Variants in AIM2 observed in about 807,000 individuals in gnomAD.
AIM2 encodes interferon-inducible protein AIM2.
AIM2 carries 30 observed loss-of-function variants against 27.7 expected under a neutral mutation model. The observed-to-expected ratio is 1.08, with a 90% CI of 0.81 to 1.47. AIM2 has a LOEUF of 1.47. AIM2 is among the 40% of genes most tolerant of loss of function. The probability of loss-of-function intolerance (pLI) is 0.00; values close to 1 mark genes in which losing one functional copy is unlikely to be tolerated. For missense variants in AIM2, 358 were observed against 411.3 expected, an observed-to-expected ratio of 0.87 and a Z score of 1.12; for synonymous variants, 141 against 145.3, an observed-to-expected ratio of 0.97 and a Z score of 0.21.
chr1:159,057,792 CAT>C (rs1321628243), downstream of AIM2, among the ~76,000 whole-genome samples: 2 of 152,180 alleles, frequency 1.3e-5, no homozygotes, highest in Admixed American at 1.3e-4. Context: ...AACAAAAAAA[CAT>C]AAATCATGAT....
At chr1:159,139,913 C>T (rs1052899226) in intron 1 of AIM2, among the ~76,000 whole-genome samples, 1 of 152,152 alleles carries the variant, frequency 6.6e-6, no homozygotes, top group Admixed American at 6.5e-5. Context: ...ATATCCTTAC[C>T]TTCTCGGAAT....
chr1:159,124,038 G>A (rs1647612570), intron 1 of AIM2, among the ~76,000 whole-genome samples: 1 of 152,074 alleles, frequency 6.6e-6, no homozygotes, highest in Non-Finnish European at 1.5e-5. Flanking sequence ...TTCCGTATCT[G>A]TCTCTTTCTC....
intron 3 of AIM2, 70 bp downstream of exon 3, chr1:159,068,498 C>A: frequency 6.6e-7 from 1 of 1,517,434 alleles, no homozygotes; most frequent in Non-Finnish European, 8.8e-7. Context: ...GAACAGAGAA[C>A]AATATGGGAA....
chr1:159,079,505 C>A (rs1656722986), upstream of AIM2, among the ~76,000 whole-genome samples: 1 of 152,056 alleles, frequency 6.6e-6, no homozygotes, highest in African/African-American at 2.4e-5. Context: ...AAAGAACACA[C>A]ACAAAAGCAT....
At chr1:159,111,784 C>T (rs1657576719) in intron 1 of AIM2, among the ~76,000 whole-genome samples, 1 of 145,484 alleles carries the variant, frequency 6.9e-6, no homozygotes, top group South Asian at 2.1e-4. Context: ...CATGTTGAAA[C>T]CCGTCTCTAC....
chr1:159,075,005 G>A (rs1437342849), intron 1 of AIM2, among the ~76,000 whole-genome samples: 1 of 152,080 alleles, frequency 6.6e-6, no homozygotes, highest in African/African-American at 2.4e-5. Context: ...TGCAAAACAA[G>A]TTGAATATGT....
chr1:159,100,242 T>C (rs1557904314), intron 1 of AIM2, among the ~76,000 whole-genome samples: 1 of 152,196 alleles, frequency 6.6e-6, no homozygotes, highest in Non-Finnish European at 1.5e-5. Context: ...AAACACTTTC[T>C]CCTATATGAC....
At position 159,062,654 on chromosome 1, in the gene AIM2, C is replaced by T; in HGVS notation, c.*38G>A. 1 of 1,603,622 alleles carries T rather than the reference C, an allele frequency of 6.2e-7. No individual in the cohort carries two copies. The highest frequency in any genetic ancestry group is 8.5e-7 in the Non-Finnish European group (1 of 1,171,300). On this transcript the variant is annotated 3_prime_UTR_variant, in exon 6 of 6. Transcript: ENST00000368130. ...TCACATATTCTTCAATTAAATGCTG[C>T]TTAGACCAGTTGGCTTGAATTGGTC...
chr1:159,111,583 G>T (rs113459264), intron 1 of AIM2, among the ~76,000 whole-genome samples: 1 of 151,918 alleles, frequency 6.6e-6, no homozygotes, highest in South Asian at 2.1e-4. Flanking sequence ...TTTATGACAG[G>T]ATTTATGAAA....
chr1:159,100,922 T>C (rs1258546011), intron 1 of AIM2, among the ~76,000 whole-genome samples: 1 of 152,238 alleles, frequency 6.6e-6, no homozygotes, highest in Non-Finnish European at 1.5e-5. Flanking sequence ...ACTGGATTTA[T>C]AGCTACATGG....
At chr1:159,099,867 G>T (rs1448884188) in intron 1 of AIM2, among the ~76,000 whole-genome samples, 1 of 152,020 alleles carries the variant, frequency 6.6e-6, no homozygotes, top group Non-Finnish European at 1.5e-5. Flanking sequence ...CCCCAACTGG[G>T]TTTACATTTG....
intron 1 of AIM2, among the ~76,000 whole-genome samples, chr1:159,131,318 C>G (rs766366049): frequency 3.9e-5 from 6 of 152,010 alleles, no homozygotes; most frequent in Non-Finnish European, 8.8e-5. Context: ...TCTCTAAATT[C>G]TGTGTGTATC....
At chr1:159,111,072 G>C (rs558415865) in intron 1 of AIM2, among the ~76,000 whole-genome samples, 1 of 152,258 alleles carries the variant, frequency 6.6e-6, no homozygotes, top group Admixed American at 6.5e-5. Flanking sequence ...ACAATGAACA[G>C]TAAGTAGGAC....
At chr1:159,126,187 G>C (rs1647679208) in intron 1 of AIM2, among the ~76,000 whole-genome samples, 1 of 152,162 alleles carries the variant, frequency 6.6e-6, no homozygotes, top group Non-Finnish European at 1.5e-5. Context: ...TCTGAGAATG[G>C]AAGTCAGGGA....
intron 1 of AIM2, among the ~76,000 whole-genome samples, chr1:159,137,500 T>C (rs1648033412): frequency 6.6e-6 from 1 of 151,962 alleles, no homozygotes. Context: ...CTACTAAAAA[T>C]ACAAAAATTA....
At chr1:159,077,433 G>C (rs1656652468), upstream of AIM2, among the ~76,000 whole-genome samples, 1 of 152,208 alleles carries the variant, frequency 6.6e-6, no homozygotes, top group African/African-American at 2.4e-5. Context: ...GAAGTTTTAT[G>C]ATATTAAGGG....
At chr1:159,111,167 A>G (rs941443924) in intron 1 of AIM2, among the ~76,000 whole-genome samples, 1 of 152,216 alleles carries the variant, frequency 6.6e-6, no homozygotes, top group African/African-American at 2.4e-5. Context: ...AGGACTGGGT[A>G]AAGAAATCTT....
At chr1:159,138,741 C>T (rs566778436) in intron 1 of AIM2, among the ~76,000 whole-genome samples, 1 of 152,288 alleles carries the variant, frequency 6.6e-6, no homozygotes, top group Admixed American at 6.5e-5. Flanking sequence ...AATTTATAGT[C>T]AATTGAAGTC....
In AIM2 at chr1:159,105,970, T is replaced by C. The variant is rs184024181; in HGVS notation, c.-16+34461A>G. Among the ~76,000 whole-genome samples the C allele has an allele frequency of 3.5e-3, 535 of 152,252 alleles. 18 individuals are homozygous for C. Among genetic ancestry groups the C allele is most frequent in the Admixed American group, 0.032 (486 of 15,300 alleles). ...CCACCCCTTTCTGCCCGGGATCCTG[T>C]CTTCCTCCTGTCTCCATTAATCATG... is the stretch of plus-strand genomic sequence containing the variant. On this transcript the variant is annotated intron_variant, in intron 1 of 2. Coordinates refer to the AIM2 transcript ENST00000368129.
Sources: allele counts gnomAD v4.1 joint callset (sites outside exome capture counted in the v4.1 genomes callset), GRCh38; gene constraint gnomAD v4.1.1; transcripts MANE v1.5; gene names NCBI Gene and HGNC (gene_info 2026-07-23, HGNC 2026-07-21).